The following TYW1 variants were observed in gnomAD, a reference collection of about 807,000 sequenced individuals.
TYW1 encodes tRNA-yW synthesizing protein 1 homolog.
Under a neutral mutation model 96.2 loss-of-function variants are expected in TYW1, and 46 were observed. The observed-to-expected ratio is 0.48, with a 90% CI of 0.38 to 0.61. TYW1 has a LOEUF of 0.61. Among genes scored for constraint, TYW1 ranks in the 20% least tolerant of loss-of-function variants. The pLI, the probability that TYW1 is intolerant of heterozygous loss-of-function variation, is 0.00. For synonymous variants in TYW1, 274 were observed against 323.0 expected (o/e 0.85, Z 1.63); for missense variants, 684 against 909.6 (o/e 0.75, Z 3.19).
intron 4 of TYW1, among the ~76,000 whole-genome samples, chr7:67,012,116 T>C (rs1793825290): frequency 6.6e-6 from 1 of 151,886 alleles, no homozygotes; most frequent in Admixed American, 6.6e-5. Context: ...AGTTGAGAGG[T>C]CAAGGCTGGT....
chr7:67,147,423 ATTT>A (rs67475331), intron 13 of TYW1, among the ~76,000 whole-genome samples: 4 of 149,358 alleles, frequency 2.7e-5, no homozygotes, highest in African/African-American at 7.3e-5. Flanking sequence ...CATGCTCTGT[ATTT>A]TTTTTTTTAA....
chr7:67,098,095 G>A (rs1030779024), intron 11 of TYW1, among the ~76,000 whole-genome samples: 10 of 152,070 alleles, frequency 6.6e-5, no homozygotes, highest in Non-Finnish European at 1.3e-4. Flanking sequence ...GAACGATTAG[G>A]TCTCTTCTTT....
chr7:67,135,811 G>A (rs1393425468), intron 13 of TYW1, among the ~76,000 whole-genome samples: 1 of 152,170 alleles, frequency 6.6e-6, no homozygotes, highest in Non-Finnish European at 1.5e-5. Flanking sequence ...CTCAGGGTTT[G>A]CTGTTGAGAC....
At chr7:67,039,185 A>T (rs986766037) in intron 7 of TYW1, among the ~76,000 whole-genome samples, 1 of 151,724 alleles carries the variant, frequency 6.6e-6, no homozygotes, top group Admixed American at 6.6e-5. Context: ...GGCCGGGTGC[A>T]GTGGCTCACT....
chr7:67,110,890 A>T (rs1797384994), intron 12 of TYW1, among the ~76,000 whole-genome samples: 5 of 152,114 alleles, frequency 3.3e-5, no homozygotes, highest in Admixed American at 3.3e-4. Context: ...CTGTAGTCCC[A>T]GCTACTGAGG....
At chr7:67,110,158 G>T (rs1408286301) in intron 12 of TYW1, among the ~76,000 whole-genome samples, 1 of 152,172 alleles carries the variant, frequency 6.6e-6, no homozygotes, top group Non-Finnish European at 1.5e-5. Flanking sequence ...GCCTCATGTG[G>T]CATTAACAGC....
At chr7:67,089,758 A>T (rs928478424) in intron 11 of TYW1, among the ~76,000 whole-genome samples, 13 of 152,190 alleles carry the variant, frequency 8.5e-5, no homozygotes, top group Non-Finnish European at 1.0e-4. Flanking sequence ...TCACTGAGTT[A>T]TAAAAATATC....
At chr7:67,208,872 T>C (rs1334897096) in intron 15 of TYW1, among the ~76,000 whole-genome samples, 1 of 152,138 alleles carries the variant, frequency 6.6e-6, no homozygotes, top group Non-Finnish European at 1.5e-5. Context: ...TACTTTGTGG[T>C]CGTTGGCAGT....
chr7:67,175,055 C>T (rs983120157), intron 13 of TYW1, among the ~76,000 whole-genome samples: 1 of 151,736 alleles, frequency 6.6e-6, no homozygotes, highest in African/African-American at 2.4e-5. Flanking sequence ...ATGATTTCAT[C>T]GTTGAATTAT....
chr7:67,130,247 G>C (rs1321419936), intron 13 of TYW1, among the ~76,000 whole-genome samples: 1 of 151,910 alleles, frequency 6.6e-6, no homozygotes, highest in Non-Finnish European at 1.5e-5. Flanking sequence ...TGGGTGTGGT[G>C]GTGGGTACCT....
At position 67,024,970 on chromosome 7, in the gene TYW1, T is replaced by C; in HGVS notation, c.932T>C (p.Ile311Thr). The change falls in exon 7 of 16, where the codon ATT becomes ACT. Residue 311 changes from isoleucine to threonine, a missense_variant. Coordinates refer to ENST00000359626, the MANE Select transcript of TYW1 (RefSeq NM_018264.4). ...GAGGACCATCAGAGCCTAAATTCCA[T>C]TGTTGATGTTGAAGATTTGGGCAAA... ...GGEDHQSLNS[I>T]VDVEDLGKIM... 5 of 1,613,688 alleles carry C rather than the reference T, an allele frequency of 3.1e-6. No homozygotes were observed. The highest frequency in any genetic ancestry group is 4.2e-6 in the Non-Finnish European group (5 of 1,179,760).
intron 13 of TYW1, among the ~76,000 whole-genome samples, chr7:67,130,826 C>T (rs1488490871): frequency 6.6e-6 from 1 of 152,182 alleles, no homozygotes; most frequent in African/African-American, 2.4e-5. Flanking sequence ...CCACAGTCTG[C>T]ATTTGGCACT....
At chr7:67,082,641 G>A (rs561466714) in intron 10 of TYW1, among the ~76,000 whole-genome samples, 3 of 151,944 alleles carry the variant, frequency 2.0e-5, no homozygotes, top group Admixed American at 6.6e-5. Context: ...TCTGCCTGTC[G>A]GGAGGTTGAG....
intron 13 of TYW1, among the ~76,000 whole-genome samples, chr7:67,141,260 A>G (rs1384618838): frequency 1.3e-5 from 2 of 152,240 alleles, no homozygotes; most frequent in Non-Finnish European, 2.9e-5. Flanking sequence ...TGTGCAGTTT[A>G]GTTCTTTTTA....
intron 15 of TYW1, among the ~76,000 whole-genome samples, chr7:67,205,387 G>T (rs529405408): frequency 7.8e-6 from 1 of 128,416 alleles, no homozygotes; most frequent in East Asian, 2.2e-4. Context: ...GGATGGAGGC[G>T]GGGGGGGGGC....
chr7:67,017,767 G>A (rs1388364799), intron 5 of TYW1, 86 bp from the exon 6 acceptor site: 9 of 1,520,318 alleles, frequency 5.9e-6, no homozygotes, highest in South Asian at 2.6e-5. Context: ...CAGGGGCCTC[G>A]GAAGGACTTT....
chr7:67,162,255 A>G (rs1165319573), intron 13 of TYW1, among the ~76,000 whole-genome samples: 1 of 149,388 alleles, frequency 6.7e-6, no homozygotes, highest in African/African-American at 2.4e-5. Context: ...CAGAGCTTGC[A>G]CTGAGCCAAG....
chr7:67,065,781 T>G (rs1158760899), intron 9 of TYW1, among the ~76,000 whole-genome samples: 1 of 152,064 alleles, frequency 6.6e-6, no homozygotes, highest in African/African-American at 2.4e-5. Flanking sequence ...GAGGTCGAGG[T>G]GGGCGGATCA....
At chr7:67,054,250 A>G (rs1179358095) in intron 8 of TYW1, among the ~76,000 whole-genome samples, 1 of 150,194 alleles carries the variant, frequency 6.7e-6, no homozygotes, top group Non-Finnish European at 1.5e-5. Flanking sequence ...GGTCAACTAC[A>G]GATCTCTTCA....
Sources: gnomAD v4.1 joint callset for allele counts (sites outside exome capture counted in the v4.1 genomes callset) on GRCh38, gnomAD v4.1.1 for gene constraint, MANE v1.5 for transcripts, NCBI Gene and HGNC (gene_info 2026-07-23, HGNC 2026-07-21) for gene names.